Variants in C2CD3 observed in about 807,000 individuals in gnomAD.
The protein encoded by C2CD3 is C2 domain containing 3 centriole elongation regulator.
C2CD3 carries 148 observed loss-of-function variants against 234.0 expected under a neutral mutation model. The observed-to-expected ratio is 0.63, with a 90% CI of 0.55 to 0.72. The LOEUF (loss-of-function observed/expected upper bound fraction) is 0.72, where lower values mean the gene tolerates loss of function less well. Among genes scored for constraint, C2CD3 ranks in the 30% least tolerant of loss-of-function variants. The pLI, the probability that C2CD3 is intolerant of heterozygous loss-of-function variation, is 0.00. For missense variants in C2CD3, 2,577 were observed against 2,811.5 expected, an observed-to-expected ratio of 0.92 and a Z score of 1.89; for synonymous variants, 1,000 against 1,035.4, an observed-to-expected ratio of 0.97 and a Z score of 0.66.
intron 9 of C2CD3, among the ~76,000 whole-genome samples, chr11:74,115,233 CA>C (rs1164387953): frequency 1.3e-5 from 2 of 151,186 alleles, no homozygotes; most frequent in Non-Finnish European, 2.9e-5. Flanking sequence ...TATATACATA[CA>C]TATATATACA....
chr11:74,042,131 T>A lies in C2CD3; in HGVS notation c.5583A>T (p.Gly1861=), dbSNP rs1433901258. ...TGTCATCACATGGCAAGGGTGCCTC[T>A]CCCTGAAGATGCAGGGATTCATGAA... ...RRFHESLHLQ[G]EAPLPCDDKL... is the part of the protein sequence containing the mutation. The change falls in exon 29 of 33, where the codon GGA becomes GGT. Residue 1861 remains glycine (G), a synonymous_variant. Coordinates refer to ENST00000334126, the MANE Select transcript of C2CD3 (RefSeq NM_001286577.2). 1 of 1,613,010 alleles carries A rather than the reference T, an allele frequency of 6.2e-7. No homozygotes were observed. The highest frequency in any genetic ancestry group is 1.1e-5 in the South Asian group (1 of 91,040).
intron 9 of C2CD3, among the ~76,000 whole-genome samples, chr11:74,115,109 T>C (rs900624798): frequency 2.6e-5 from 4 of 151,864 alleles, no homozygotes; most frequent in Admixed American, 1.3e-4. Flanking sequence ...AAATATAATC[T>C]AAAGGTTTGA....
At chr11:74,035,039 T>C (rs368917079) in intron 30 of C2CD3, among the ~76,000 whole-genome samples, 11 of 152,304 alleles carry the variant, frequency 7.2e-5, no homozygotes, top group African/African-American at 2.2e-4. Flanking sequence ...AATTAATAAA[T>C]AGACCCAGTA....
intron 28 of C2CD3, among the ~76,000 whole-genome samples, chr11:74,045,696 C>T (rs929941693): frequency 1.3e-5 from 2 of 151,920 alleles, no homozygotes; most frequent in South Asian, 2.1e-4. Context: ...TTCAGTCTCC[C>T]GAGTAGCTGG....
chr11:74,029,518 G>A lies in C2CD3; in HGVS notation c.6810-1120C>T, dbSNP rs865930341. Among the ~76,000 whole-genome samples, 6 of 152,376 alleles carry A rather than the reference G, an allele frequency of 3.9e-5. No homozygotes were observed. In the South Asian group the frequency reaches 6.2e-4, roughly 16 times the overall value. On this transcript the variant is annotated intron_variant, in intron 31 of 32. Coordinates refer to ENST00000334126, the MANE Select transcript of C2CD3 (RefSeq NM_001286577.2). The stretch of plus-strand genomic sequence containing the variant: ...GAGGTGGGGGAGGAATGGAGATCCC[G>A]AAGGGAAAGACCCTTTGACTCCAGG...
chr11:74,097,247 C>G (rs1956146528), intron 16 of C2CD3, among the ~76,000 whole-genome samples: 1 of 152,008 alleles, frequency 6.6e-6, no homozygotes, highest in Non-Finnish European at 1.5e-5. Context: ...CCTAATAGTT[C>G]TTTCCCTGCT....
intron 15 of C2CD3, 120 bp from the exon 16 acceptor site, chr11:74,098,375 A>T (rs746555548): frequency 2.3e-5 from 24 of 1,040,068 alleles, no homozygotes; most frequent in Non-Finnish European, 3.2e-5. Flanking sequence ...GAAAAGTAAT[A>T]GTGGTTTTAA....
At chr11:74,133,077 A>T in intron 6 of C2CD3, 105 bp from the exon 7 acceptor site, 1 of 1,094,464 alleles carries the variant, frequency 9.1e-7, no homozygotes, top group African/African-American at 1.6e-5. Flanking sequence ...AAAATTTAAC[A>T]TACTTTAGAC....
At chr11:74,028,505 T>G in intron 31 of C2CD3, 107 bp from the exon 32 acceptor site, 2 of 694,438 alleles carry the variant, frequency 2.9e-6, no homozygotes, top group Non-Finnish European at 4.7e-6. Flanking sequence ...TGTTTTTCCC[T>G]CAACTATTCT....
chr11:74,168,609 T>C lies in C2CD3; in HGVS notation c.60A>G (p.Leu20=). The C allele has an allele frequency of 1.2e-6, 2 of 1,613,574 alleles. No homozygotes were observed. Among genetic ancestry groups the C allele is most frequent in the Non-Finnish European group, 1.7e-6 (2 of 1,179,628 alleles). The change falls in exon 2 of 33, where the codon TTA becomes TTG. Residue 20 remains leucine, a synonymous_variant. Transcript: ENST00000334126. The stretch of plus-strand genomic sequence containing the variant: ...GGCTTGTAGATGGAGAAATGTCACT[T>C]AAACCTGTAGAGGAATCCAAGAAAA... ...GGSRGRKKRG[L]SDISPSTSLP... is the part of the protein sequence containing the mutation.
chr11:74,093,824 G>C lies in C2CD3; in HGVS notation c.3336C>G (p.Ile1112Met), dbSNP rs1190257016. 3 of 1,613,680 alleles carry C rather than the reference G, an allele frequency of 1.9e-6. No individual in the cohort carries two copies. The highest frequency in any genetic ancestry group is 2.5e-6 in the Non-Finnish European group (3 of 1,179,760). The stretch of plus-strand genomic sequence containing the variant: ...GGGTCTCCACACTGTACCTGCACCA[G>C]ATTTCAAACTGGACTCCACCTCCAG... The part of the protein sequence containing the change: ...LVPGGGVQFE[I>M]WCRYYYPNVR... Residue 1112 changes from isoleucine to methionine, a missense_variant, in exon 18 of 33, where the codon ATC (isoleucine) becomes ATG (methionine). Ile to Met is a conservative substitution (Grantham distance 10). Coordinates refer to ENST00000334126, the MANE Select transcript of C2CD3 (RefSeq NM_001286577.2).
At position 74,133,474 on chromosome 11, in the gene C2CD3, CCAA is replaced by C; in HGVS notation, c.1036_1038del (p.Leu346del). 1 of 1,613,884 alleles carries C rather than the reference CCAA, an allele frequency of 6.2e-7. No homozygotes were observed. The highest frequency in any genetic ancestry group is 8.5e-7 in the Non-Finnish European group (1 of 1,179,804). ...TCATTAATAGGAGGATGAACTTGGT[CCAA>C]CAACATGCTGGTCTCTGGGCTTGAT... On this transcript the variant is annotated inframe_deletion, in exon 6 of 33. Transcript: ENST00000334126.
chr11:74,041,956 G>T, intron 29 of C2CD3, 98 bp downstream of exon 29: 1 of 1,191,398 alleles, frequency 8.4e-7, no homozygotes, highest in Non-Finnish European at 1.2e-6. Flanking sequence ...TTCCTAGGGC[G>T]GTGGCAGGTG....
chr11:74,022,626 G>A (rs571124618), intron 32 of C2CD3, among the ~76,000 whole-genome samples: 176 of 151,970 alleles, frequency 1.2e-3, no homozygotes, highest in African/African-American at 4.1e-3. Context: ...CGTTCTCATC[G>A]TCAACCTCTC....
chr11:74,088,225 C>T (rs970522114), intron 20 of C2CD3, among the ~76,000 whole-genome samples: 2 of 152,120 alleles, frequency 1.3e-5, no homozygotes, highest in Admixed American at 6.5e-5. Flanking sequence ...AAAATGACTT[C>T]ATATTTGTTA....
At chr11:74,076,854 T>C (rs995736442) in intron 23 of C2CD3, among the ~76,000 whole-genome samples, 3 of 152,340 alleles carry the variant, frequency 2.0e-5, no homozygotes, top group South Asian at 4.1e-4. Context: ...CTTAGAGGTG[T>C]CATGTCCCTG....
Position 74,098,168 on chromosome 11 carries a change from T to C in C2CD3, c.2820A>G (p.Ser940=). 6.2e-7 allele frequency: 1 copy of C among 1,614,072 alleles called. No homozygotes were observed. The highest frequency in any genetic ancestry group is 8.5e-7 in the Non-Finnish European group (1 of 1,179,970). Residue 940 remains serine, a synonymous_variant, in exon 16 of 33, where the codon TCA becomes TCG. Coordinates refer to ENST00000334126, the MANE Select transcript of C2CD3 (RefSeq NM_001286577.2). ...CTCGAAGACTCCCATTTTGGTGGCCTGAAAACACATCAATCACAGGCATGT... is the reference window on the plus strand; with the variant it reads ...CTCGAAGACTCCCATTTTGGTGGCCCGAAAACACATCAATCACAGGCATGT... ...DSYMPVIDVF[S]GHQNGSLRVF...
In C2CD3 at chr11:74,170,938, T is replaced by A. The variant is rs1369144994; in HGVS notation, c.-146A>T. 5 of 1,503,042 alleles carry A rather than the reference T, an allele frequency of 3.3e-6. No homozygotes were observed. Among genetic ancestry groups the A allele is most frequent in the Middle Eastern group, 2.3e-4 (1 of 4,334 alleles). The allele number at this position is 1,503,042 out of a possible 1,614,324, so 93.1% of individuals were successfully genotyped here. ...GGAGGCAGGAAAAAGCGACTCTTCC[T>A]CTAACAGTCTCCGGAAAACGGTGCG... is the stretch of plus-strand genomic sequence containing the variant. On this transcript the variant is annotated 5_prime_UTR_variant, in exon 1 of 33. Transcript: ENST00000334126.
chr11:74,139,583 T>G, intron 4 of C2CD3, 22 bp downstream of exon 4: 1 of 1,467,512 alleles, frequency 6.8e-7, no homozygotes, highest in Non-Finnish European at 9.6e-7. Context: ...ACAGATTGAC[T>G]GGTATTAGGT....
Sources: gnomAD v4.1 joint callset for allele counts (sites outside exome capture counted in the v4.1 genomes callset) on GRCh38, gnomAD v4.1.1 for gene constraint, MANE v1.5 for transcripts, NCBI Gene and HGNC (gene_info 2026-07-23, HGNC 2026-07-21) for gene names.